The following GON4L variants were observed in gnomAD, a reference collection of about 807,000 sequenced individuals.
GON4L encodes the protein gon-4 like, also known as GON-4-like protein.
GON4L carries 87 observed loss-of-function variants against 211.8 expected under a neutral mutation model. The ratio of observed to expected loss-of-function variants is 0.41; its 90% CI spans 0.35 to 0.49. The LOEUF (loss-of-function observed/expected upper bound fraction) is 0.49, where lower values mean the gene tolerates loss of function less well. Ranked by LOEUF, GON4L falls within the 20% of genes least tolerant of loss-of-function variation. GON4L has a pLI of 0.15. For missense variants in GON4L, 2,155 were observed against 2,659.5 expected, an observed-to-expected ratio of 0.81 and a Z score of 4.17; for synonymous variants, 875 against 962.6, an observed-to-expected ratio of 0.91 and a Z score of 1.68.
chr1:155,786,129 A>G (rs767443809), intron 12 of GON4L, among the ~76,000 whole-genome samples: 9 of 151,816 alleles, frequency 5.9e-5, no homozygotes, highest in Non-Finnish European at 1.2e-4. Flanking sequence ...ACAACAAAAC[A>G]CATTTATTGA....
At chr1:155,843,800 C>T (rs1169850814) in intron 2 of GON4L, among the ~76,000 whole-genome samples, 3 of 152,114 alleles carry the variant, frequency 2.0e-5, no homozygotes, top group African/African-American at 7.2e-5. Flanking sequence ...CCCATTGGAA[C>T]CTGGAAAAGG....
At chr1:155,846,630 T>C (rs368615907) in intron 2 of GON4L, 5 of 151,608 alleles carry the variant, frequency 3.3e-5, no homozygotes, top group African/African-American at 1.2e-4. Flanking sequence ...ATGTAAAACA[T>C]ATAGATTTTT....
downstream of GON4L, chr1:155,747,002 C>T (rs1370869089): frequency 6.3e-7 from 1 of 1,586,458 alleles, no homozygotes; most frequent in Admixed American, 1.8e-5. Context: ...ACTCCTTTTC[C>T]TAAGGACTGC....
At chr1:155,836,305 A>G (rs1281438691) in intron 2 of GON4L, among the ~76,000 whole-genome samples, 7 of 139,810 alleles carry the variant, frequency 5.0e-5, no homozygotes, top group African/African-American at 1.9e-4. Context: ...GGTGGAGTGC[A>G]GTGGCACAAT....
At position 155,837,568 on chromosome 1, in the gene GON4L, T is replaced by C. The variant is rs556296129; in HGVS notation, c.506-10540A>G. 3.9e-5 allele frequency among the ~76,000 whole-genome samples: 6 copies of C among 152,260 alleles called. No homozygotes were observed. The East Asian group carries it at 5.8e-4, about 15-fold the overall frequency. On this transcript the variant is annotated intron_variant, in intron 2 of 31. Coordinates refer to ENST00000368331, the MANE Select transcript of GON4L (RefSeq NM_001282860.2). ...AAGATATCTGATATTGAAGTTGTCA[T>C]GGTAAGGTGACCCTTCATCCATCAA... is the stretch of plus-strand genomic sequence containing the variant.
In GON4L at chr1:155,751,983, C is replaced by T. The variant is rs373392672; in HGVS notation, c.6450G>A (p.Gly2150=). ...ACCTTGTCCACAGGACAACCTTTTC[C>T]CCAGTGGAGCTGACCTTGCTGTTGT... is the stretch of plus-strand genomic sequence containing the variant. The part of the protein sequence containing the change: ...CANNSKVSST[G]EKVVLWTREA... The change falls in exon 30 of 32, where the codon GGG becomes GGA. Residue 2150 remains glycine, a synonymous_variant. Transcript: ENST00000368331. 1.9e-6 allele frequency: 3 copies of T among 1,612,282 alleles called. No homozygotes were observed. The highest frequency in any genetic ancestry group is 1.3e-5 in the African/African-American group (1 of 75,014).
At position 155,785,322 on chromosome 1, in the gene GON4L, A is replaced by G. The variant is rs1221527239; in HGVS notation, c.1788+12T>C. 1.3e-6 allele frequency: 2 copies of G among 1,545,460 alleles called. No individual in the cohort carries two copies. Among genetic ancestry groups the G allele is most frequent in the African/African-American group, 1.4e-5 (1 of 73,960 alleles). Reference sequence around the variant, plus strand: ...TAAAATCCCGTGTTCTCACTCGAGGATCATTACTCACAGTTTCAAACAGCT... The same window carrying G: ...TAAAATCCCGTGTTCTCACTCGAGGGTCATTACTCACAGTTTCAAACAGCT... On this transcript the variant is annotated intron_variant, in intron 13 of 31. Coordinates refer to ENST00000368331, the MANE Select transcript of GON4L (RefSeq NM_001282860.2).
Position 155,766,173 on chromosome 1 carries a change from T to C in GON4L, c.3300A>G (p.Val1100=). The change falls in exon 21 of 32, where the codon GTA becomes GTG. Residue 1100 remains valine, a synonymous_variant. Transcript: ENST00000368331. ...TAGAAGGGGCAAGGGAGGGCAGCAT[T>C]ACCTTGGGCACAGGGGCAGAAGAGA... is the stretch of plus-strand genomic sequence containing the variant. The part of the protein sequence containing the change: ...TLLSSAPVPK[V]MLPSLAPSKF... 6.2e-7 allele frequency: 1 copy of C among 1,614,018 alleles called. No homozygotes were observed. Among genetic ancestry groups the C allele is most frequent in the Non-Finnish European group, 8.5e-7 (1 of 1,180,000 alleles).
In GON4L at chr1:155,765,983, T is replaced by C; in HGVS notation, c.3490A>G (p.Ile1164Val). 6.2e-7 allele frequency: 1 copy of C among 1,614,132 alleles called. No individual in the cohort carries two copies. Among genetic ancestry groups the C allele is most frequent in the Non-Finnish European group, 8.5e-7 (1 of 1,180,008 alleles). The change falls in exon 21 of 32, where the codon ATC (isoleucine) becomes GTC (valine). Residue 1164 changes from isoleucine (I) to valine (V), a missense_variant. This residue lies in a region of GON4L where 615 missense variants were observed against 625.7 expected (regional missense o/e 0.98). Transcript: ENST00000368331. ...GCCACAGCCGCATTGACAGGCTGGA[T>C]CATGTTACAGCCACCGCCAAGGCTC... Reference protein sequence around the residue: ...IVSLGGGCNMIQPVNAAVAQS... With the variant: ...IVSLGGGCNMVQPVNAAVAQS...
rs761483790 is a variant in GON4L, at chr1:155,813,758, A to G, written c.1328T>C (p.Val443Ala). The change falls in exon 10 of 32, where the codon GTA becomes GCA. Residue 443 changes from valine (V) to alanine (A), a missense_variant. Val to Ala is a moderately conservative substitution (Grantham distance 64, BLOSUM62 0). Transcript: ENST00000368331. The stretch of plus-strand genomic sequence containing the variant: ...AGGGGGCGGGGGCCCCATGGGCACT[A>G]CCTCAGCACTGATGTGCCTGATGGC... ...TPAIRHISAE[V>A]VPMGPPPPPK... The G allele has an allele frequency of 1.9e-6, 3 of 1,613,850 alleles. No homozygotes were observed. In the South Asian group the frequency reaches 3.3e-5, roughly 18 times the overall value.
intron 28 of GON4L, among the ~76,000 whole-genome samples, chr1:155,753,765 C>A (rs1227836440): frequency 1.3e-5 from 2 of 152,016 alleles, no homozygotes; most frequent in African/African-American, 4.8e-5. Flanking sequence ...GCTGTTTACA[C>A]AGGCATGACC....
chr1:155,799,563 C>T (rs1421043295), intron 11 of GON4L, among the ~76,000 whole-genome samples: 1 of 152,198 alleles, frequency 6.6e-6, no homozygotes, highest in Non-Finnish European at 1.5e-5. Flanking sequence ...CAGTAGTTTC[C>T]AATCCTTTAG....
intron 10 of GON4L, among the ~76,000 whole-genome samples, chr1:155,812,538 T>C (rs1028375988): frequency 2.0e-5 from 3 of 151,050 alleles, no homozygotes; most frequent in Non-Finnish European, 4.4e-5. Flanking sequence ...TAATATATTA[T>C]GTAATATTAC....
intron 14 of GON4L, among the ~76,000 whole-genome samples, chr1:155,782,573 T>C (rs1418047830): frequency 2.0e-5 from 3 of 152,224 alleles, no homozygotes; most frequent in Non-Finnish European, 4.4e-5. Context: ...TGTATCACCA[T>C]GAGATGATAT....
At chr1:155,786,897 G>A (rs886973424) in intron 12 of GON4L, among the ~76,000 whole-genome samples, 6 of 150,922 alleles carry the variant, frequency 4.0e-5, no homozygotes, top group Non-Finnish European at 8.8e-5. Context: ...TGTGAGCCAC[G>A]GTGCCCAGTC....
At chr1:155,813,996 A>G (rs1402403607) in intron 9 of GON4L, among the ~76,000 whole-genome samples, 192 bp from the exon 10 acceptor site, 1 of 152,270 alleles carries the variant, frequency 6.6e-6, no homozygotes, top group Admixed American at 6.5e-5. Flanking sequence ...TCCTATTTCT[A>G]GAGAAGTCAA....
chr1:155,857,651 C>A (rs567116615), upstream of GON4L, among the ~76,000 whole-genome samples: 1 of 152,254 alleles, frequency 6.6e-6, no homozygotes, highest in East Asian at 1.9e-4. Flanking sequence ...ATCGCTTGAA[C>A]CCGGGAGACG....
chr1:155,851,285 C>T (rs1305382839), intron 2 of GON4L, among the ~76,000 whole-genome samples: 20 of 150,830 alleles, frequency 1.3e-4, no homozygotes, highest in African/African-American at 4.4e-4. Context: ...ACCCAGGAGG[C>T]AGAGCTTGCA....
chr1:155,848,203 T>C (rs989895171), intron 2 of GON4L, among the ~76,000 whole-genome samples: 1 of 152,200 alleles, frequency 6.6e-6, no homozygotes, highest in African/African-American at 2.4e-5. Flanking sequence ...CAAATGAATC[T>C]TGCACAAAGC....
Sources: allele counts gnomAD v4.1 joint callset (sites outside exome capture counted in the v4.1 genomes callset), GRCh38; gene constraint gnomAD v4.1.1; regional missense constraint gnomAD v4.1.1; transcripts MANE v1.5; gene names NCBI Gene and HGNC (gene_info 2026-07-23, HGNC 2026-07-21).